PRICKLE2: variants seen among roughly 807,000 people sequenced by gnomAD.
PRICKLE2 encodes prickle-like protein 2.
Under a neutral mutation model 81.4 loss-of-function variants are expected in PRICKLE2, and 21 were observed. The observed-to-expected ratio is 0.26, with a 90% CI of 0.18 to 0.37. PRICKLE2 has a LOEUF of 0.37. PRICKLE2 is among the 10% of genes least tolerant of loss of function. PRICKLE2 has a pLI of 1.00. For synonymous variants in PRICKLE2, 456 were observed against 421.5 expected, an observed-to-expected ratio of 1.08 and a Z score of -1.00; for missense variants, 940 against 1,109.0, an observed-to-expected ratio of 0.85 and a Z score of 2.16.
At chr3:64,251,598 C>G (rs1042318122) in intron 2 of PRICKLE2, among the ~76,000 whole-genome samples, 11 of 152,168 alleles carry the variant, frequency 7.2e-5, no homozygotes, top group Admixed American at 7.2e-4. Flanking sequence ...ACATATTGGT[C>G]AAGAAGCAGA....
intron 1 of PRICKLE2, among the ~76,000 whole-genome samples, chr3:64,218,760 T>C (rs1417804013): frequency 6.6e-6 from 1 of 152,214 alleles, no homozygotes; most frequent in Non-Finnish European, 1.5e-5. Context: ...CTCTGGACTT[T>C]CTGAATTTAG....
Position 64,147,370 on chromosome 3 carries a change from G to GTGACAGGGGGTCTACGTCGGC in PRICKLE2, c.1099_1119dup (p.Ala367_Ser373dup). The GTGACAGGGGGTCTACGTCGGC allele has an allele frequency of 6.2e-7, 1 of 1,614,234 alleles. No individual in the cohort carries two copies. Among genetic ancestry groups the GTGACAGGGGGTCTACGTCGGC allele is most frequent in the East Asian group, 2.2e-5 (1 of 44,870 alleles). ...GACAGGCTGAGCATGTCCATCTGCAGTGACAGGGGGTCTACGTCGGCTGAC... is the reference window on the plus strand; with the variant it reads ...GACAGGCTGAGCATGTCCATCTGCAGTGACAGGGGGTCTACGTCGGCTGACAGGGGGTCTACGTCGGCTGAC... On this transcript the variant is annotated inframe_insertion, in exon 7 of 8. Coordinates refer to ENST00000638394, the MANE Select transcript of PRICKLE2 (RefSeq NM_198859.4). The surrounding 1 kb of genome is among the most constrained non-coding windows in gnomAD (Gnocchi z 5.0).
intron 2 of PRICKLE2, chr3:64,175,021 G>T: frequency 6.2e-6 from 1 of 161,230 alleles, no homozygotes; most frequent in South Asian, 1.7e-4. Context: ...CCCTCTGCTT[G>T]GTAAAGGCAT....
chr3:64,109,393 T>C (rs2076807511), intron 7 of PRICKLE2, among the ~76,000 whole-genome samples: 1 of 152,218 alleles, frequency 6.6e-6, no homozygotes, highest in Admixed American at 6.5e-5. Flanking sequence ...GTATCTCTTT[T>C]ACTTCCTTAC....
At chr3:64,237,819 A>T (rs1187400722) in intron 2 of PRICKLE2, among the ~76,000 whole-genome samples, 1 of 152,180 alleles carries the variant, frequency 6.6e-6, no homozygotes, top group Non-Finnish European at 1.5e-5. Flanking sequence ...TGTATTGTAC[A>T]AAATTTACCT....
At chr3:64,113,411 T>G (rs1482857199) in intron 7 of PRICKLE2, among the ~76,000 whole-genome samples, 1 of 152,086 alleles carries the variant, frequency 6.6e-6, no homozygotes, top group Non-Finnish European at 1.5e-5. Context: ...CACACCTGCT[T>G]AGAGGGCAGT....
intron 2 of PRICKLE2, among the ~76,000 whole-genome samples, chr3:64,266,651 C>T (rs569813942): frequency 5.9e-5 from 9 of 152,120 alleles, no homozygotes; most frequent in Non-Finnish European, 1.2e-4. Context: ...AAAGGAAAGG[C>T]CCAGATCTTC....
At chr3:64,109,219 A>G (rs2076804882) in intron 7 of PRICKLE2, among the ~76,000 whole-genome samples, 1 of 152,106 alleles carries the variant, frequency 6.6e-6, no homozygotes, top group Non-Finnish European at 1.5e-5. Context: ...TGGGTGTGGT[A>G]TGTCCCCAAA....
At chr3:64,199,081 G>T in intron 1 of PRICKLE2, 114 bp from the exon 2 acceptor site, 1 of 921,856 alleles carries the variant, frequency 1.1e-6, no homozygotes, top group Non-Finnish European at 1.7e-6. Context: ...CCTTGGCAAT[G>T]GGCATCGGGC....
intron 7 of PRICKLE2, among the ~76,000 whole-genome samples, chr3:64,128,743 CAA>C (rs34396377): frequency 0.4 from 37,507 of 93,566 alleles, 4,627 homozygotes; most frequent in East Asian, 0.65. Flanking sequence ...AAGACTGTCT[CAA>C]AAAAAAAAAA....
At chr3:64,113,537 C>T (rs1182213430) in intron 7 of PRICKLE2, among the ~76,000 whole-genome samples, 1 of 152,184 alleles carries the variant, frequency 6.6e-6, no homozygotes, top group African/African-American at 2.4e-5. Flanking sequence ...CCTCCCCATA[C>T]TGCAGCTTCC....
At chr3:64,161,644 T>G (rs774536827) in intron 3 of PRICKLE2, among the ~76,000 whole-genome samples, 6 of 150,308 alleles carry the variant, frequency 4.0e-5, no homozygotes, top group African/African-American at 7.4e-5. Flanking sequence ...AAAGCACAGT[T>G]AACCATAAAC....
At chr3:64,104,129 G>T (rs1355442503) in intron 7 of PRICKLE2, among the ~76,000 whole-genome samples, 1 of 152,216 alleles carries the variant, frequency 6.6e-6, no homozygotes, top group Non-Finnish European at 1.5e-5. Context: ...TGGGATAACT[G>T]TCAGGGCAAT....
chr3:64,226,014 C>T (rs988987592), upstream of PRICKLE2, among the ~76,000 whole-genome samples: 6 of 152,024 alleles, frequency 3.9e-5, no homozygotes, highest in Admixed American at 2.0e-4. Flanking sequence ...CCTTTCCTCA[C>T]GTGCTTGGGT....
In PRICKLE2 at chr3:64,185,068, C is replaced by A. The variant is rs557145626; in HGVS notation, c.144+13716G>T. ...AGAGAAAGGAGACTATAATACAAGC[C>A]CAAATGTTAGGGCCTACATGTTAGA... On this transcript the variant is annotated intron_variant, in intron 2 of 7. Transcript: ENST00000638394. Among the ~76,000 whole-genome samples the A allele has an allele frequency of 5.3e-5, 8 of 152,224 alleles. No individual in the cohort carries two copies. In the East Asian group the frequency reaches 1.5e-3, roughly 29 times the overall value.
intron 2 of PRICKLE2, among the ~76,000 whole-genome samples, chr3:64,181,020 C>G (rs527473250): frequency 6.4e-4 from 97 of 152,276 alleles, no homozygotes; most frequent in African/African-American, 2.1e-3. Flanking sequence ...ATGCTGGCCC[C>G]AGCAATCAGA....
At chr3:64,174,753 G>T in intron 2 of PRICKLE2, 2 of 213,652 alleles carry the variant, frequency 9.4e-6, no homozygotes, top group South Asian at 8.6e-5. Context: ...TTTACAATGT[G>T]AACTGTGAAG....
chr3:64,104,313 G>T (rs2076719626), intron 7 of PRICKLE2, among the ~76,000 whole-genome samples: 1 of 152,192 alleles, frequency 6.6e-6, no homozygotes, highest in Non-Finnish European at 1.5e-5. Context: ...ATGAACTCTA[G>T]TAAGAAAGGA....
intron 2 of PRICKLE2, among the ~76,000 whole-genome samples, chr3:64,267,021 T>TC (rs2079720695): frequency 6.6e-6 from 1 of 151,328 alleles, no homozygotes; most frequent in African/African-American, 2.4e-5. Flanking sequence ...AACAGATGGG[T>TC]GGGGGGAGCT....
Sources: gnomAD v4.1 joint callset for allele counts (sites outside exome capture counted in the v4.1 genomes callset) on GRCh38, gnomAD v4.1.1 for gene constraint, Gnocchi (gnomAD v3.1) non-coding constraint, MANE v1.5 for transcripts, NCBI Gene and HGNC (gene_info 2026-07-23, HGNC 2026-07-21) for gene names.